The following HNRNPC variants were observed in gnomAD, a reference collection of about 807,000 sequenced individuals.
HNRNPC encodes the protein heterogeneous nuclear ribonucleoproteins C1/C2.
HNRNPC carries 3 observed loss-of-function variants against 33.2 expected under a neutral mutation model. That is an observed-to-expected ratio of 0.09 (90% CI 0.04 to 0.23). The LOEUF (loss-of-function observed/expected upper bound fraction) is 0.23, where lower values mean the gene tolerates loss of function less well. Among genes scored for constraint, HNRNPC ranks in the 10% least tolerant of loss-of-function variants. The probability of loss-of-function intolerance (pLI) is 1.00; values close to 1 mark genes in which losing one functional copy is unlikely to be tolerated. For synonymous variants in HNRNPC, 121 were observed against 126.7 expected, an observed-to-expected ratio of 0.96 and a Z score of 0.30; for missense variants, 143 against 366.7, an observed-to-expected ratio of 0.39 and a Z score of 4.98.
intron 3 of HNRNPC, among the ~76,000 whole-genome samples, chr14:21,233,350 TA>T (rs1340607942): frequency 6.6e-6 from 1 of 152,136 alleles, no homozygotes; most frequent in Non-Finnish European, 1.5e-5. Flanking sequence ...ATCACAAATA[TA>T]AATTTAAAAA....
intron 5 of HNRNPC, 148 bp from the exon 6 acceptor site, chr14:21,213,265 C>G: frequency 1.4e-6 from 1 of 738,802 alleles, no homozygotes; most frequent in Non-Finnish European, 2.1e-6. Flanking sequence ...AAAACCTCCA[C>G]AGTGGGGTTT....
At chr14:21,229,218 G>A (rs916556337) in intron 5 of HNRNPC, among the ~76,000 whole-genome samples, 1 of 151,426 alleles carries the variant, frequency 6.6e-6, no homozygotes. Context: ...ATGAAGCCCC[G>A]TCTCTACTAA....
chr14:21,231,419 CA>C (rs1894102408), intron 3 of HNRNPC: 3 of 463,422 alleles, frequency 6.5e-6, no homozygotes, highest in South Asian at 4.6e-5. Flanking sequence ...TGCAGTGATG[CA>C]ATAATGGCTC....
intron 8 of HNRNPC, 48 bp from the exon 9 acceptor site, chr14:21,211,354 G>A: frequency 6.2e-7 from 1 of 1,612,804 alleles, no homozygotes; most frequent in Non-Finnish European, 8.5e-7. Context: ...CACTCCATGT[G>A]TCCCTGAGCC....
At chr14:21,244,243 C>T (rs1289193055) in intron 2 of HNRNPC, among the ~76,000 whole-genome samples, 1 of 152,190 alleles carries the variant, frequency 6.6e-6, no homozygotes, top group Non-Finnish European at 1.5e-5. Flanking sequence ...AGGTGATCCG[C>T]CGACCTCCAC....
chr14:21,260,519 TAA>T (rs1878049462), intron 2 of HNRNPC, among the ~76,000 whole-genome samples: 1 of 152,040 alleles, frequency 6.6e-6, no homozygotes, highest in African/African-American at 2.4e-5. Context: ...TTTCTTTTTT[TAA>T]AAAGAGATGG....
chr14:21,232,045 C>T (rs1894178198), intron 3 of HNRNPC, among the ~76,000 whole-genome samples: 1 of 152,008 alleles, frequency 6.6e-6, no homozygotes, highest in Admixed American at 6.6e-5. Context: ...TGATCAATTG[C>T]TTAAACAACC....
Position 21,231,086 on chromosome 14 carries a change from G to A in HNRNPC, c.242-14C>T. On this transcript the variant is annotated splice_polypyrimidine_tract_variant and intron_variant, in intron 3 of 8. Coordinates refer to ENST00000553300, the MANE Select transcript of HNRNPC (RefSeq NM_004500.4). ...CCAGGTTAATATCTGAAAAACAAAA[G>A]TAAAAATGTTAATGACAACTTTGTA... 1 of 1,605,278 alleles carries A rather than the reference G, an allele frequency of 6.2e-7. No homozygotes were observed. Among genetic ancestry groups the A allele is most frequent in the South Asian group, 1.1e-5 (1 of 90,346 alleles).
intron 6 of HNRNPC, among the ~76,000 whole-genome samples, chr14:21,212,582 A>C (rs1891735926): frequency 2.7e-5 from 4 of 150,884 alleles, no homozygotes; most frequent in Admixed American, 2.6e-4. Flanking sequence ...TTTGCTCGTC[A>C]CCCAGGCTGG....
chr14:21,266,003 CA>C (rs1204797678), intron 1 of HNRNPC, among the ~76,000 whole-genome samples: 1 of 152,174 alleles, frequency 6.6e-6, no homozygotes, highest in Non-Finnish European at 1.5e-5. Context: ...GAGATCATAG[CA>C]ATCTGTTTTA....
At chr14:21,259,207 C>G (rs1232964725) in intron 2 of HNRNPC, among the ~76,000 whole-genome samples, 1 of 152,188 alleles carries the variant, frequency 6.6e-6, no homozygotes, top group African/African-American at 2.4e-5. Context: ...GGTTTTCTTA[C>G]AGAATGAGCT....
intron 2 of HNRNPC, among the ~76,000 whole-genome samples, chr14:21,240,892 C>T (rs915659199): frequency 6.6e-6 from 1 of 152,182 alleles, no homozygotes; most frequent in Non-Finnish European, 1.5e-5. Context: ...CATTATCTCA[C>T]ACTAGAGACA....
intron 7 of HNRNPC, 29 bp from the exon 8 acceptor site, chr14:21,211,595 G>A (rs1416574912): frequency 2.8e-5 from 44 of 1,589,076 alleles, no homozygotes; most frequent in Non-Finnish European, 3.4e-5. Context: ...AGTCTGTCTA[G>A]GGGCAGTAAT....
At chr14:21,260,310 G>A (rs1053400114) in intron 2 of HNRNPC, among the ~76,000 whole-genome samples, 1 of 147,478 alleles carries the variant, frequency 6.8e-6, no homozygotes, top group Non-Finnish European at 1.5e-5. Flanking sequence ...AGGTTGTGGT[G>A]AGCCAAGATC....
chr14:21,218,704 A>AAAAAAAAAAAAAAAC (rs1225752731), intron 5 of HNRNPC, among the ~76,000 whole-genome samples: 2 of 136,794 alleles, frequency 1.5e-5, no homozygotes, highest in African/African-American at 5.5e-5. Flanking sequence ...AAAAAAAAAA[A>AAAAAAAAAAAAAAAC]AAAACTGAAA....
chr14:21,262,023 T>C (rs1878329456), intron 2 of HNRNPC, among the ~76,000 whole-genome samples: 1 of 152,230 alleles, frequency 6.6e-6, no homozygotes, highest in Non-Finnish European at 1.5e-5. Context: ...GAGTCACCAC[T>C]GTAAAAGGGG....
chr14:21,259,844 G>C (rs1877868392), intron 2 of HNRNPC, among the ~76,000 whole-genome samples: 1 of 144,006 alleles, frequency 6.9e-6, no homozygotes, highest in South Asian at 2.2e-4. Context: ...AGGAGTTTTT[G>C]AGACCAGCCT....
chr14:21,220,150 A>G (rs945214014), intron 5 of HNRNPC, among the ~76,000 whole-genome samples: 1 of 151,932 alleles, frequency 6.6e-6, no homozygotes, highest in Non-Finnish European at 1.5e-5. Context: ...TTCCCATCTC[A>G]TTCAAAGTAA....
chr14:21,220,917 T>C (rs1261002530), intron 5 of HNRNPC, among the ~76,000 whole-genome samples: 3 of 151,518 alleles, frequency 2.0e-5, no homozygotes, highest in South Asian at 4.1e-4. Context: ...TGAAACCCCG[T>C]CTCTACTAAA....
Sources: gnomAD v4.1 joint callset for allele counts (sites outside exome capture counted in the v4.1 genomes callset) on GRCh38, gnomAD v4.1.1 for gene constraint, MANE v1.5 for transcripts, NCBI Gene and HGNC (gene_info 2026-07-23, HGNC 2026-07-21) for gene names.